TUSC3: variants seen among roughly 807,000 people sequenced by gnomAD.
The protein encoded by TUSC3 is tumor suppressor candidate 3.
A neutral mutation model predicts 44.8 loss-of-function variants in TUSC3; 45 were observed. That is an observed-to-expected ratio of 1.00 (90% CI 0.79 to 1.29). TUSC3 has a LOEUF of 1.29. Ranked by LOEUF, TUSC3 falls within the 50% of genes most tolerant of loss-of-function variation. TUSC3 has a pLI of 0.00. For missense variants in TUSC3, 519 were observed against 437.9 expected, an observed-to-expected ratio of 1.19 and a Z score of -1.65; for synonymous variants, 212 against 152.9, an observed-to-expected ratio of 1.39 and a Z score of -2.85.
chr8:15,768,798 C>G (rs1812393459), downstream of TUSC3, among the ~76,000 whole-genome samples: 1 of 151,574 alleles, frequency 6.6e-6, no homozygotes, highest in South Asian at 2.1e-4. Flanking sequence ...ATCCCAATAA[C>G]AGCCAAATCA....
intron 1 of TUSC3, among the ~76,000 whole-genome samples, chr8:15,432,816 C>T (rs1302963987): frequency 6.6e-6 from 1 of 152,080 alleles, no homozygotes; most frequent in Non-Finnish European, 1.5e-5. Context: ...TTGCTTCCCC[C>T]ACATGGAAAA....
chr8:15,479,263 G>A (rs558148137), intron 1 of TUSC3, among the ~76,000 whole-genome samples: 1 of 152,198 alleles, frequency 6.6e-6, no homozygotes, highest in African/African-American at 2.4e-5. Context: ...AGTTTCTTTT[G>A]CTGTGAAGAA....
At chr8:15,526,819 C>T (rs1801379533) in intron 2 of TUSC3, among the ~76,000 whole-genome samples, 2 of 152,102 alleles carry the variant, frequency 1.3e-5, no homozygotes, top group Admixed American at 6.5e-5. Flanking sequence ...TTTGAAGTCT[C>T]AGTGTTGAGG....
intron 2 of TUSC3, among the ~76,000 whole-genome samples, chr8:15,499,572 C>T (rs1293070108): frequency 2.0e-5 from 3 of 152,116 alleles, no homozygotes; most frequent in Non-Finnish European, 4.4e-5. Flanking sequence ...TTCTGTCATT[C>T]AACATAATTT....
intron 2 of TUSC3, among the ~76,000 whole-genome samples, chr8:15,500,386 C>G (rs988064513): frequency 3.3e-5 from 5 of 152,190 alleles, no homozygotes; most frequent in Non-Finnish European, 7.3e-5. Flanking sequence ...GTCCCATAGA[C>G]TATTTTCCCT....
chr8:15,813,002 A>G, the TUSC3 span, among the ~76,000 whole-genome samples: 2,939 of 152,080 alleles, frequency 0.019, 45 homozygotes, highest in Non-Finnish European at 0.029. Flanking sequence ...GCTGAGGCAC[A>G]AGAATCGCTT....
intron 1 of TUSC3, among the ~76,000 whole-genome samples, chr8:15,478,338 C>T (rs1005463248): frequency 3.3e-5 from 5 of 151,998 alleles, no homozygotes; most frequent in African/African-American, 1.2e-4. Context: ...CATAAGTATA[C>T]GTGTGCCATG....
chr8:15,786,579 A>G, the TUSC3 span, among the ~76,000 whole-genome samples: 1 of 152,144 alleles, frequency 6.6e-6, no homozygotes, highest in African/African-American at 2.4e-5. Context: ...GTGCATTTCT[A>G]GTTCCCTTAG....
intron 7 of TUSC3, among the ~76,000 whole-genome samples, chr8:15,737,135 A>G (rs1247689702): frequency 6.6e-6 from 1 of 151,990 alleles, no homozygotes; most frequent in Non-Finnish European, 1.5e-5. Context: ...ATAGAGAGCA[A>G]ACATTCCTTT....
chr8:15,534,041 T>A (rs931389452), intron 2 of TUSC3, among the ~76,000 whole-genome samples: 1 of 152,130 alleles, frequency 6.6e-6, no homozygotes, highest in Non-Finnish European at 1.5e-5. Context: ...GCAGTGCTTG[T>A]CCAAGATAGT....
intron 2 of TUSC3, among the ~76,000 whole-genome samples, chr8:15,628,321 G>T (rs529071065): frequency 1.3e-5 from 2 of 152,014 alleles, no homozygotes; most frequent in Non-Finnish European, 2.9e-5. Flanking sequence ...GTTAAATGGT[G>T]CATTCTTTGG....
chr8:15,619,273 A>G (rs1805134702), intron 1 of TUSC3, among the ~76,000 whole-genome samples: 1 of 152,202 alleles, frequency 6.6e-6, no homozygotes, highest in South Asian at 2.1e-4. Context: ...GCTTTTAAAT[A>G]ATTGATATTT....
chr8:15,778,338 G>C, the TUSC3 span, among the ~76,000 whole-genome samples: 2 of 152,058 alleles, frequency 1.3e-5, no homozygotes, highest in Non-Finnish European at 2.9e-5. Flanking sequence ...TTACTTTTAG[G>C]GTCCTGGGAA....
At chr8:15,626,495 A>G (rs948864964) in intron 2 of TUSC3, among the ~76,000 whole-genome samples, 1 of 152,192 alleles carries the variant, frequency 6.6e-6, no homozygotes, top group Non-Finnish European at 1.5e-5. Context: ...GTGGACCAGT[A>G]TATCCGTGTG....
Position 15,430,868 on chromosome 8 carries a change from G to A in TUSC3, n.91+13563G>A, listed in dbSNP as rs116208719. Among the ~76,000 whole-genome samples, 1,311 of 151,752 alleles carry A rather than the reference G, an allele frequency of 8.6e-3. 46 individuals are homozygous for A. Among genetic ancestry groups the A allele is most frequent in the African/African-American group, 0.025 (1,036 of 41,104 alleles). On this transcript the variant is annotated intron_variant and non_coding_transcript_variant, in intron 1 of 5. Coordinates refer to the TUSC3 transcript ENST00000503191. The stretch of plus-strand genomic sequence containing the variant: ...ACAGAGAGCCAATTTTATTCTTTTT[G>A]CATCTGATTATCCAGATTTTTGTAC...
chr8:15,720,065 C>T (rs956959567), intron 6 of TUSC3, among the ~76,000 whole-genome samples: 2 of 152,042 alleles, frequency 1.3e-5, no homozygotes, highest in Admixed American at 1.3e-4. Flanking sequence ...ACTAGAGGCA[C>T]TTGCCACCAC....
the TUSC3 span, chr8:15,806,903 TG>T: frequency 7.4e-7 from 1 of 1,349,488 alleles, no homozygotes. Context: ...CGCTTACATC[TG>T]TTGACCCACT....
chr8:15,554,984 T>A (rs1221113057), intron 1 of TUSC3, among the ~76,000 whole-genome samples: 1 of 151,326 alleles, frequency 6.6e-6, no homozygotes, highest in East Asian at 2.0e-4. Flanking sequence ...TGCTAAATCG[T>A]GTGAAGGGCT....
At chr8:15,547,567 T>C (rs2129135128) in intron 1 of TUSC3, among the ~76,000 whole-genome samples, 1 of 151,808 alleles carries the variant, frequency 6.6e-6, no homozygotes, top group Non-Finnish European at 1.5e-5. Flanking sequence ...GACAGGATAC[T>C]AGGCATTTGA....
Sources: allele counts gnomAD v4.1 joint callset (sites outside exome capture counted in the v4.1 genomes callset), GRCh38; gene constraint gnomAD v4.1.1; transcripts MANE v1.5; gene names NCBI Gene and HGNC (gene_info 2026-07-23, HGNC 2026-07-21).